The following IL1RAPL2 variants were observed in gnomAD, a reference collection of about 807,000 sequenced individuals.
IL1RAPL2 encodes interleukin 1 receptor accessory protein like 2, also known as X-linked interleukin-1 receptor accessory protein-like 2.
Under a neutral mutation model 44.1 loss-of-function variants are expected in IL1RAPL2, and 3 were observed. The observed-to-expected ratio is 0.07, with a 90% confidence interval of 0.03 to 0.18. The LOEUF is 0.18. Ranked by LOEUF, IL1RAPL2 falls within the 10% of genes least tolerant of loss-of-function variation. IL1RAPL2 has a pLI of 1.00. For synonymous variants in IL1RAPL2, 181 were observed against 178.8 expected (o/e 1.01, Z -0.10); for missense variants, 391 against 496.4 (o/e 0.79, Z 2.02).
chrX:105,423,113 T>G (rs1419898105), intron 5 of IL1RAPL2, among the ~76,000 whole-genome samples: 1 of 111,185 alleles, frequency 9.0e-6, no homozygotes, highest in Non-Finnish European at 1.9e-5. Context: ...TCCCATTATT[T>G]TGGAACACAT....
chrX:105,667,296 A>G (rs1185281792), intron 6 of IL1RAPL2, among the ~76,000 whole-genome samples: 1 of 111,930 alleles, frequency 8.9e-6, no homozygotes, highest in Non-Finnish European at 1.9e-5. Flanking sequence ...GGACCGGGTA[A>G]AGCAGTTAAG....
rs138463040 is a variant in IL1RAPL2, at chrX:105,193,806, C to T, written c.83-1669C>T. Among the ~76,000 whole-genome samples, 980 of 111,690 alleles carry T rather than the reference C, an allele frequency of 8.8e-3. 36 individuals are homozygous for T. The highest frequency in any genetic ancestry group is 0.086 in the Admixed American group (903 of 10,459). ...GATGAATCTCATACCTCTGAATCCT[C>T]GAAGAAAGTTTAGATGCCCTTCACT... On this transcript the variant is annotated intron_variant, in intron 2 of 10. Coordinates refer to ENST00000372582, the MANE Select transcript of IL1RAPL2 (RefSeq NM_017416.2).
chrX:104,748,361 A>G (rs1456275749), intron 2 of IL1RAPL2, among the ~76,000 whole-genome samples: 1 of 111,872 alleles, frequency 8.9e-6, no homozygotes, highest in Non-Finnish European at 1.9e-5. Context: ...AAAGAAAAAA[A>G]TGATAATAAT....
At chrX:105,394,182 T>G (rs762939005) in intron 5 of IL1RAPL2, among the ~76,000 whole-genome samples, 1 of 112,360 alleles carries the variant, frequency 8.9e-6, no homozygotes, top group African/African-American at 3.2e-5. Flanking sequence ...TTGGTGAATC[T>G]TTTTAAAGCA....
intron 6 of IL1RAPL2, among the ~76,000 whole-genome samples, chrX:105,519,694 A>G (rs2036541688): frequency 1.8e-5 from 2 of 111,537 alleles, no homozygotes; most frequent in African/African-American, 6.5e-5. Context: ...GGGAAATAGC[A>G]AAGTCATGTT....
At chrX:105,274,048 C>T (rs1297989365) in intron 5 of IL1RAPL2, among the ~76,000 whole-genome samples, 1 of 112,193 alleles carries the variant, frequency 8.9e-6, no homozygotes, top group East Asian at 2.8e-4. Context: ...CATGATTTCA[C>T]TCACCAAATG....
At chrX:105,239,722 A>G (rs782331541) in intron 4 of IL1RAPL2, among the ~76,000 whole-genome samples, 2 of 110,487 alleles carry the variant, frequency 1.8e-5, no homozygotes, top group Admixed American at 1.9e-4. Flanking sequence ...CCAAGGTTCA[A>G]TGTCCCTTAG....
intron 5 of IL1RAPL2, among the ~76,000 whole-genome samples, chrX:105,387,676 A>G (rs755653061): frequency 2.7e-5 from 3 of 111,969 alleles, no homozygotes; most frequent in African/African-American, 6.5e-5. Flanking sequence ...AAGTAGTTCC[A>G]TTGTGTAATT....
intron 5 of IL1RAPL2, among the ~76,000 whole-genome samples, chrX:105,363,138 A>C (rs972774382): frequency 9.4e-6 from 1 of 106,374 alleles, no homozygotes; most frequent in Admixed American, 1.0e-4. Flanking sequence ...TGTCTGGCTT[A>C]TTTCACTTAG....
At chrX:104,723,395 A>G (rs1931724331) in intron 2 of IL1RAPL2, among the ~76,000 whole-genome samples, 1 of 111,067 alleles carries the variant, frequency 9.0e-6, no homozygotes, top group Admixed American at 9.6e-5. Context: ...ATAAAATGTA[A>G]CACCTCAGGA....
chrX:104,656,527 G>A (rs778555503), intron 1 of IL1RAPL2, among the ~76,000 whole-genome samples: 15 of 112,109 alleles, frequency 1.3e-4, no homozygotes, highest in African/African-American at 4.5e-4. Flanking sequence ...TGATTGCACT[G>A]TGGTCTGAGA....
At chrX:104,738,767 C>A (rs1369332269) in intron 2 of IL1RAPL2, among the ~76,000 whole-genome samples, 1 of 111,073 alleles carries the variant, frequency 9.0e-6, no homozygotes, top group Admixed American at 9.6e-5. Flanking sequence ...TGGTGAGACC[C>A]TACCTCTACA....
intron 5 of IL1RAPL2, among the ~76,000 whole-genome samples, chrX:105,447,746 A>T (rs1452757832): frequency 5.8e-5 from 5 of 86,348 alleles, no homozygotes; most frequent in Non-Finnish European, 8.2e-5. Context: ...TAAATATGTT[A>T]TACATATAAA....
chrX:105,020,486 T>C (rs774885179), intron 2 of IL1RAPL2, among the ~76,000 whole-genome samples: 1 of 111,998 alleles, frequency 8.9e-6, no homozygotes, highest in East Asian at 2.8e-4. Context: ...CAGTCTGATG[T>C]CTTTATTTCA....
chrX:104,821,085 T>C (rs1265592760), intron 2 of IL1RAPL2, among the ~76,000 whole-genome samples: 2 of 111,916 alleles, frequency 1.8e-5, no homozygotes. Flanking sequence ...TCTCCAATTC[T>C]TATGTATTCT....
intron 4 of IL1RAPL2, among the ~76,000 whole-genome samples, chrX:105,245,997 A>G (rs940865985): frequency 8.0e-5 from 9 of 112,764 alleles, no homozygotes; most frequent in East Asian, 2.8e-4. Context: ...CATTCAGCAC[A>G]TATGTATTGG....
At position 105,521,236 on chromosome X, in the gene IL1RAPL2, G is replaced by A. The variant is rs753826750; in HGVS notation, c.772+36849G>A. Among the ~76,000 whole-genome samples, 7 of 108,377 alleles carry A rather than the reference G, an allele frequency of 6.5e-5. No homozygotes were observed. The South Asian group carries it at 2.1e-3, about 32-fold the overall frequency. 94.1% of individuals were successfully genotyped at this position (108,377 alleles called of 115,157 possible). A position where few individuals can be genotyped will look rare whatever the true frequency, so the allele number is the denominator to read the frequency against. On this transcript the variant is annotated intron_variant, in intron 6 of 10. Coordinates refer to ENST00000372582, the MANE Select transcript of IL1RAPL2 (RefSeq NM_017416.2). ...TGAGATTACAGGCATGAGCCACCGC[G>A]CCCGGCCTGCTATAGCTATTTCTAA...
chrX:105,555,722 G>A (rs1602465928), intron 6 of IL1RAPL2, among the ~76,000 whole-genome samples: 1 of 112,225 alleles, frequency 8.9e-6, no homozygotes, highest in African/African-American at 3.2e-5. Flanking sequence ...ATTCTATGAG[G>A]TTACCTCAGA....
chrX:104,908,804 G>T (rs748142313), intron 2 of IL1RAPL2, among the ~76,000 whole-genome samples: 351 of 108,984 alleles, frequency 3.2e-3, no homozygotes, highest in Non-Finnish European at 5.5e-3. Context: ...TTCTCGAGGA[G>T]TATCTTTGTG....
Sources: allele counts gnomAD v4.1 joint callset (sites outside exome capture counted in the v4.1 genomes callset), GRCh38; gene constraint gnomAD v4.1.1; transcripts MANE v1.5; gene names NCBI Gene and HGNC (gene_info 2026-07-23, HGNC 2026-07-21).